The following SLC26A1 variants were observed in gnomAD, a reference collection of about 807,000 sequenced individuals.
SLC26A1 encodes sulfate anion transporter 1.
SLC26A1 carries 18 observed loss-of-function variants against 14.5 expected under a neutral mutation model. The ratio of observed to expected loss-of-function variants is 1.24; its 90% CI spans 0.86 to 1.84. The LOEUF is 1.84. SLC26A1 is among the 40% of genes most tolerant of loss of function. The pLI is 0.00. For missense variants in SLC26A1, 1,049 were observed against 1,020.0 expected, an observed-to-expected ratio of 1.03 and a Z score of -0.39; for synonymous variants, 505 against 492.0, an observed-to-expected ratio of 1.03 and a Z score of -0.35.
At chr4:986,641 G>T (rs750200694), downstream of SLC26A1, among the ~76,000 whole-genome samples, 3 of 152,162 alleles carry the variant, frequency 2.0e-5, no homozygotes, top group African/African-American at 7.2e-5. Flanking sequence ...TAAAGCGCAC[G>T]CTTTACTCAG....
rs763026877 is a variant in SLC26A1 at position 989,900 on chromosome 4, CCACGGCATCCAAAGCCA to C, written c.1022_1038del (p.Val341GlyfsTer124). ...AAGGCGGCAGCCACGAGGGCCAGGG[CCACGGCATCCAAAGCCA>C]CACGCTGCATCAGCCTGGGCTCTGG... On this transcript the variant is annotated frameshift_variant, in exon 3 of 3. Coordinates refer to ENST00000398516, the MANE Select transcript of SLC26A1 (RefSeq NM_022042.4). LOFTEE classifies it low-confidence loss of function (END_TRUNC). 8.9e-6 allele frequency: 14 copies of C among 1,564,772 alleles called. No individual in the cohort carries two copies. Among genetic ancestry groups the C allele is most frequent in the Non-Finnish European group, 6.1e-6 (7 of 1,155,676 alleles).
chr4:990,846 AC>A (rs1049372060), intron 2 of SLC26A1: 1 of 474,258 alleles, frequency 2.1e-6, no homozygotes, highest in African/African-American at 2.0e-5. Flanking sequence ...TCAGTCCAGC[AC>A]CACTGAGCCA....
At chr4:979,619 C>T in intron 2 of SLC26A1, 1 of 1,350,332 alleles carries the variant, frequency 7.4e-7, no homozygotes, top group Non-Finnish European at 1.0e-6. Flanking sequence ...CAGTGCCAGC[C>T]CAGCAAGAGA....
intron 2 of SLC26A1, among the ~76,000 whole-genome samples, chr4:982,458 G>A (rs1453569513): frequency 6.6e-6 from 1 of 152,242 alleles, no homozygotes; most frequent in Non-Finnish European, 1.5e-5. Context: ...AGAAATGGGT[G>A]CGTGCGTGAG....
intron 2 of SLC26A1, among the ~76,000 whole-genome samples, chr4:982,080 A>C (rs1713561280): frequency 6.6e-6 from 1 of 151,188 alleles, no homozygotes; most frequent in Admixed American, 6.6e-5. Context: ...CGGCCTCCCA[A>C]AGTGCTGGTA....
Position 991,852 on chromosome 4 carries a change from G to T in SLC26A1, c.-27-122C>A. ...CGCCCACCCAGGGCCGGGGATTGGT[G>T]CTGGGCCTTCTCCTGGCAGCGCGGG... On this transcript the variant is annotated intron_variant, in intron 1 of 2. Transcript: ENST00000398516. The T allele has an allele frequency of 3.3e-6, 5 of 1,516,168 alleles. No homozygotes were observed. In the South Asian group the frequency reaches 6.0e-5, roughly 18 times the overall value. 93.9% of individuals were successfully genotyped at this position (1,516,168 alleles called of 1,614,324 possible).
downstream of SLC26A1, among the ~76,000 whole-genome samples, chr4:986,100 A>G (rs1713715250): frequency 6.6e-6 from 1 of 151,662 alleles, no homozygotes; most frequent in Non-Finnish European, 1.5e-5. Flanking sequence ...TTTTTTTTGT[A>G]CAGATGGGGT....
Position 990,011 on chromosome 4 carries a change from GC to G in SLC26A1, c.927del (p.Gln310SerfsTer28), listed in dbSNP as rs747081016. On this transcript the variant is annotated frameshift_variant, in exon 3 of 3. Coordinates refer to ENST00000398516, the MANE Select transcript of SLC26A1 (RefSeq NM_022042.4). LOFTEE classifies it low-confidence loss of function (END_TRUNC). ...CTCGAGCCAAAGCGCTTGTGGAGCTGCCCGAAGTGCGACACGAGTGTGGCCA... is the reference window on the plus strand; with the variant it reads ...CTCGAGCCAAAGCGCTTGTGGAGCTGCCGAAGTGCGACACGAGTGTGGCCA... The part of the protein sequence containing the change: ...IVVATLVSHF[G>X]QLHKRFGSSV... 1.2e-5 allele frequency: 19 copies of G among 1,576,954 alleles called. No homozygotes were observed. The highest frequency in any genetic ancestry group is 1.8e-5 in the Admixed American group (1 of 55,182).
In SLC26A1 at chr4:989,674, A is replaced by C; in HGVS notation, c.1265T>G (p.Val422Gly). The C allele has an allele frequency of 6.4e-7, 1 of 1,572,158 alleles. No homozygotes were observed. The highest frequency in any genetic ancestry group is 8.6e-7 in the Non-Finnish European group (1 of 1,159,658). The change falls in exon 3 of 3, where the codon GTG (valine) becomes GGG (glycine). Residue 422 changes from valine to glycine, a missense_variant. Val to Gly is a moderately radical substitution (Grantham distance 109, BLOSUM62 -3). Coordinates refer to ENST00000398516, the MANE Select transcript of SLC26A1 (RefSeq NM_022042.4). Reference protein sequence around the residue: ...TQLSSVVSATVVLLVLLALAP... With the variant: ...TQLSSVVSATGVLLVLLALAP... ...CAGCGCCAGCAGCACCAGCAGCACC[A>C]CGGTGGCGCTGACCACGCTGGACAG...
rs1259316124 is a variant in SLC26A1, at chr4:990,069, C to T, written c.870G>A (p.Val290=). ...LSDRYRHRLR[V]PLPTELLVIV... Reference sequence around the variant, plus strand: ...TGACCAGCAGCTCCGTGGGCAGCGGCACCCTCAGGCGGTGTCGGTAGCGGT... The same window carrying T: ...TGACCAGCAGCTCCGTGGGCAGCGGTACCCTCAGGCGGTGTCGGTAGCGGT... Residue 290 remains valine, a synonymous_variant, in exon 3 of 3, where the codon GTG becomes GTA. Coordinates refer to ENST00000398516, the MANE Select transcript of SLC26A1 (RefSeq NM_022042.4). The T allele has an allele frequency of 6.2e-7, 1 of 1,601,410 alleles. No homozygotes were observed. Among genetic ancestry groups the T allele is most frequent in the Non-Finnish European group, 8.5e-7 (1 of 1,176,016 alleles).
Position 989,576 on chromosome 4 carries a change from G to A in SLC26A1, c.1363C>T (p.Arg455Cys), listed in dbSNP as rs387907483. Residue 455 changes from arginine to cysteine, a missense_variant, in exon 3 of 3, where the codon CGC (arginine) becomes TGC (cysteine). By Grantham distance (180) the Arg-to-Cys change is radical. Transcript: ENST00000398516. ...AGCCGCGGGAGGTCCCACACCTTGC[G>A]CAGGGCCCCCCGCAGGCTGACCACG... is the stretch of plus-strand genomic sequence containing the variant. ...VIVVSLRGALRKVWDLPRLWR... is the reference protein window; with the variant it reads ...VIVVSLRGALCKVWDLPRLWR... 2.4e-5 allele frequency: 39 copies of A among 1,594,768 alleles called. No homozygotes were observed. Among genetic ancestry groups the A allele is most frequent in the African/African-American group, 6.7e-5 (5 of 74,714 alleles).
At position 988,193 on chromosome 4, in the gene SLC26A1, C is replaced by T; in HGVS notation, c.*640G>A. On this transcript the variant is annotated 3_prime_UTR_variant, in exon 3 of 3. Coordinates refer to ENST00000398516, the MANE Select transcript of SLC26A1 (RefSeq NM_022042.4). The stretch of plus-strand genomic sequence containing the variant: ...CAGGCTCAGGGTTGGCTGCGCCGCA[C>T]CTGGCTCCTGGTGCACCCGTGAGCA... 4 of 1,363,714 alleles carry T rather than the reference C, an allele frequency of 2.9e-6. No individual in the cohort carries two copies. Among genetic ancestry groups the T allele is most frequent in the South Asian group, 1.7e-5 (1 of 58,068 alleles). The allele number at this position is 1,363,714 out of a possible 1,614,324, so 84.5% of individuals were successfully genotyped here. A position where few individuals can be genotyped will look rare whatever the true frequency, so the allele number is the denominator to read the frequency against.
At chr4:984,292 C>T (rs1272028576), downstream of SLC26A1, among the ~76,000 whole-genome samples, 1 of 152,164 alleles carries the variant, frequency 6.6e-6, no homozygotes, top group East Asian at 1.9e-4. Context: ...AAATTTCAAA[C>T]TCACAGAAAA....
chr4:983,970 G>T (rs887011891), downstream of SLC26A1, among the ~76,000 whole-genome samples: 1 of 152,060 alleles, frequency 6.6e-6, no homozygotes, highest in Non-Finnish European at 1.5e-5. Context: ...GATTACAGAC[G>T]CATGCCACCA....
At chr4:990,405 G>C in intron 2 of SLC26A1, 43 bp from the exon 3 acceptor site, 1 of 1,521,080 alleles carries the variant, frequency 6.6e-7, no homozygotes. Context: ...CCTGGCGGGA[G>C]CCACCTGCCC....
chr4:991,506 C>T lies in SLC26A1; in HGVS notation c.198G>A (p.Arg66=). Residue 66 remains arginine, a synonymous_variant, in exon 2 of 3, where the codon CGG becomes CGA. Coordinates refer to ENST00000398516, the MANE Select transcript of SLC26A1 (RefSeq NM_022042.4). The stretch of plus-strand genomic sequence containing the variant: ...ACATGACGTCGCCTGCCAGGTACTC[C>T]CGCGGGCGGTACTGACGCAGCCAGC... The part of the protein sequence containing the change: ...ATRWLRQYRP[R]EYLAGDVMSG... 6.2e-7 allele frequency: 1 copy of T among 1,609,736 alleles called. No individual in the cohort carries two copies. Among genetic ancestry groups the T allele is most frequent in the Non-Finnish European group, 8.5e-7 (1 of 1,177,778 alleles).
Position 989,746 on chromosome 4 carries a change from G to T in SLC26A1, c.1193C>A (p.Ala398Asp), listed in dbSNP as rs755078988. 54 of 1,557,112 alleles carry T rather than the reference G, an allele frequency of 3.5e-5. No homozygotes were observed. The highest frequency in any genetic ancestry group is 3.9e-5 in the Admixed American group (2 of 51,516). Reference sequence around the variant, plus strand: ...TGTCTTCACCAGGCTCTTGGCCAGGGCGGCGCTGGTGGCGAAGCAGTGGAG... The same window carrying T: ...TGTCTTCACCAGGCTCTTGGCCAGGTCGGCGCTGGTGGCGAAGCAGTGGAG... Reference protein sequence around the residue: ...AFLHCFATSAALAKSLVKTAT... With the variant: ...AFLHCFATSADLAKSLVKTAT... The change falls in exon 3 of 3, where the codon GCC (alanine) becomes GAC (aspartate). Residue 398 changes from alanine to aspartate, a missense_variant. Transcript: ENST00000398516.
chr4:980,297 G>A (rs1476226947), intron 2 of SLC26A1, among the ~76,000 whole-genome samples: 1 of 152,172 alleles, frequency 6.6e-6, no homozygotes. Context: ...TAAGAATACA[G>A]AAAATAGGCT....
downstream of SLC26A1, chr4:987,219 C>T: frequency 6.7e-7 from 1 of 1,499,746 alleles, no homozygotes; most frequent in East Asian, 2.8e-5. Flanking sequence ...CCCTGCGGCG[C>T]TTCTGGAGGA....
Sources: gnomAD v4.1 joint callset for allele counts (sites outside exome capture counted in the v4.1 genomes callset) on GRCh38, gnomAD v4.1.1 for gene constraint, MANE v1.5 for transcripts, NCBI Gene and HGNC (gene_info 2026-07-23, HGNC 2026-07-21) for gene names.